GNE: variants seen among roughly 807,000 people sequenced by gnomAD.
GNE encodes the protein bifunctional UDP-N-acetylglucosamine 2-epimerase/N-acetylmannosamine kinase.
GNE carries 41 observed loss-of-function variants against 61.8 expected under a neutral mutation model. The ratio of observed to expected loss-of-function variants is 0.66; its 90% CI spans 0.52 to 0.86. GNE has a LOEUF of 0.86. GNE is among the 40% of genes least tolerant of loss of function. GNE has a pLI of 0.00. For missense variants in GNE, 608 were observed against 909.1 expected (o/e 0.67, Z 4.26); for synonymous variants, 264 against 326.4 (o/e 0.81, Z 2.06).
chr9:36,250,514 G>C (rs374541116), intron 1 of GNE, among the ~76,000 whole-genome samples: 1 of 152,002 alleles, frequency 6.6e-6, no homozygotes, highest in African/African-American at 2.4e-5. Context: ...TGTCTTTTCT[G>C]TTCTTCACCC....
chr9:36,275,822 C>T (rs1034981906), intron 1 of GNE, among the ~76,000 whole-genome samples: 1 of 152,102 alleles, frequency 6.6e-6, no homozygotes, highest in Non-Finnish European at 1.5e-5. Context: ...ATTGGTGATA[C>T]AGCTAGGAGT....
chr9:36,231,345 T>C (rs2133058283), intron 5 of GNE, among the ~76,000 whole-genome samples: 1 of 152,154 alleles, frequency 6.6e-6, no homozygotes, highest in Non-Finnish European at 1.5e-5. Flanking sequence ...CTGAGGAGGC[T>C]AAAGTGAGAG....
intron 9 of GNE, 122 bp downstream of exon 9, chr9:36,222,655 C>T (rs1465565656): frequency 8.7e-6 from 7 of 808,620 alleles, no homozygotes; most frequent in African/African-American, 1.7e-5. Flanking sequence ...TGTGGCTCAC[C>T]TTCAGGCTCT....
At chr9:36,241,791 A>G (rs1829636936) in intron 3 of GNE, among the ~76,000 whole-genome samples, 2 of 152,280 alleles carry the variant, frequency 1.3e-5, no homozygotes, top group East Asian at 3.9e-4. Context: ...GCAATGTTAT[A>G]TATGGCCTAC....
Position 36,236,930 on chromosome 9 carries a change from G to C in GNE, c.671C>G (p.Thr224Ser), listed in dbSNP as rs750253826. The change falls in exon 4 of 12, where the codon ACT becomes AGT. Residue 224 changes from threonine to serine, a missense_variant. Coordinates refer to ENST00000642385, the MANE Select transcript of GNE (RefSeq NM_005476.7). ...CATTTTTATGGAATGCTTAATGTCA[G>C]TGGTCACAGGGTGCTGTAGTGCAAC... ...YIVALQHPVT[T>S]DIKHSIKMFE... 6.2e-7 allele frequency: 1 copy of C among 1,611,310 alleles called. No individual in the cohort carries two copies. Among genetic ancestry groups the C allele is most frequent in the Non-Finnish European group, 8.5e-7 (1 of 1,177,556 alleles).
Position 36,223,014 on chromosome 9 carries a change from AAC to A in GNE, c.1412-18_1412-17del. 1 of 1,606,614 alleles carries A rather than the reference AAC, an allele frequency of 6.2e-7. No individual in the cohort carries two copies. On this transcript the variant is annotated splice_polypyrimidine_tract_variant and intron_variant, in intron 8 of 11. Coordinates refer to ENST00000642385, the MANE Select transcript of GNE (RefSeq NM_005476.7). ...GTGGAAATGCCTGCGCTCCACCACAAACACAAGGAAATAATGCTGATGAGCAA... is the reference window on the plus strand; with the variant it reads ...GTGGAAATGCCTGCGCTCCACCACAAACAAGGAAATAATGCTGATGAGCAA...
chr9:36,247,920 G>C (rs1431504685), intron 2 of GNE, among the ~76,000 whole-genome samples: 1 of 151,114 alleles, frequency 6.6e-6, no homozygotes, highest in Non-Finnish European at 1.5e-5. Flanking sequence ...CAGCTACTCG[G>C]AAGGCTAAGG....
chr9:36,267,291 G>A (rs1830839159), intron 1 of GNE, among the ~76,000 whole-genome samples: 1 of 152,200 alleles, frequency 6.6e-6, no homozygotes, highest in Non-Finnish European at 1.5e-5. Flanking sequence ...GCTTTTTAGA[G>A]CACCTGTGGT....
At chr9:36,236,287 A>G (rs1829387329) in intron 4 of GNE, among the ~76,000 whole-genome samples, 1 of 151,652 alleles carries the variant, frequency 6.6e-6, no homozygotes, top group Non-Finnish European at 1.5e-5. Context: ...TGCAACCTCC[A>G]CCTTCCAGGT....
rs1323927648 is a variant in GNE at position 36,214,977 on chromosome 9, A to G, written c.*2388T>C. ...AAACCTTCATTTTCCCAAAATAGAA[A>G]TCTGAAAGATATATGCACATGATTT... On this transcript the variant is annotated 3_prime_UTR_variant, in exon 12 of 12. Coordinates refer to ENST00000642385, the MANE Select transcript of GNE (RefSeq NM_005476.7). The G allele has an allele frequency of 6.6e-6, 1 of 152,214 alleles. No homozygotes were observed. Among genetic ancestry groups the G allele is most frequent in the Non-Finnish European group, 1.5e-5 (1 of 68,040 alleles). The allele number at this position is 152,214 out of a possible 1,614,324, so 9.4% of individuals were successfully genotyped here.
At chr9:36,219,442 C>T (rs759731585) in intron 10 of GNE, among the ~76,000 whole-genome samples, 2 of 152,186 alleles carry the variant, frequency 1.3e-5, no homozygotes. Context: ...GGCCAAAAAT[C>T]TACACTGTTT....
chr9:36,276,785 G>A (rs1831277140), intron 1 of GNE: 1 of 845,264 alleles, frequency 1.2e-6, no homozygotes, highest in African/African-American at 1.7e-5. Flanking sequence ...GGATTTGATA[G>A]ATTTAAAACC....
At chr9:36,276,150 G>A (rs1023077410) in intron 1 of GNE, among the ~76,000 whole-genome samples, 1 of 151,562 alleles carries the variant, frequency 6.6e-6, no homozygotes, top group African/African-American at 2.4e-5. Flanking sequence ...TCCAGCCTGG[G>A]TGACAGAGCA....
chr9:36,274,096 G>A (rs889800730), intron 1 of GNE, among the ~76,000 whole-genome samples: 17 of 150,608 alleles, frequency 1.1e-4, no homozygotes, highest in African/African-American at 4.2e-4. Flanking sequence ...GTGTGTGTGT[G>A]TGTGTGTGTG....
intron 7 of GNE, among the ~76,000 whole-genome samples, chr9:36,224,233 G>A (rs1828751877): frequency 6.7e-6 from 1 of 149,812 alleles, no homozygotes; most frequent in South Asian, 2.1e-4. Context: ...CTTGGGCCCA[G>A]GAGTTTAAAA....
chr9:36,266,801 C>T (rs575681947), intron 1 of GNE, among the ~76,000 whole-genome samples: 12 of 152,050 alleles, frequency 7.9e-5, no homozygotes, highest in African/African-American at 2.2e-4. Flanking sequence ...CCCAGCTACT[C>T]GGGAGGCTGA....
At chr9:36,241,296 T>G (rs1327718949) in intron 3 of GNE, among the ~76,000 whole-genome samples, 1 of 152,112 alleles carries the variant, frequency 6.6e-6, no homozygotes, top group Non-Finnish European at 1.5e-5. Context: ...TTGTATTTTT[T>G]AGTAGAGATG....
chr9:36,276,618 T>C (rs1006484827), intron 1 of GNE, among the ~76,000 whole-genome samples: 5 of 152,204 alleles, frequency 3.3e-5, no homozygotes, highest in Non-Finnish European at 7.3e-5. Context: ...CCACTTTATC[T>C]GATGAAAGTG....
At chr9:36,268,173 T>G (rs190720936) in intron 1 of GNE, among the ~76,000 whole-genome samples, 283 of 152,188 alleles carry the variant, frequency 1.9e-3, no homozygotes, top group Non-Finnish European at 3.5e-3. Flanking sequence ...ACCAATAAAT[T>G]ATTTCTTATC....
Sources: gnomAD v4.1 joint callset for allele counts (sites outside exome capture counted in the v4.1 genomes callset) on GRCh38, gnomAD v4.1.1 for gene constraint, MANE v1.5 for transcripts, NCBI Gene and HGNC (gene_info 2026-07-23, HGNC 2026-07-21) for gene names.